The following EDEM2 variants were observed in gnomAD, a reference collection of about 807,000 sequenced individuals.
The protein encoded by EDEM2 is ER degradation enhancing alpha-mannosidase like protein 2.
Under a neutral mutation model 64.8 loss-of-function variants are expected in EDEM2, and 39 were observed. The observed-to-expected ratio is 0.60, with a 90% CI of 0.47 to 0.79. The LOEUF is 0.79. Among genes scored for constraint, EDEM2 ranks in the 30% least tolerant of loss-of-function variants. The probability of loss-of-function intolerance (pLI) is 0.00; values close to 1 mark genes in which losing one functional copy is unlikely to be tolerated. For missense variants in EDEM2, 609 were observed against 731.3 expected, an observed-to-expected ratio of 0.83 and a Z score of 1.93; for synonymous variants, 296 against 291.5, an observed-to-expected ratio of 1.02 and a Z score of -0.16.
In EDEM2 at chr20:35,142,404, C is replaced by T; in HGVS notation, c.333G>A (p.Val111=). Residue 111 remains valine, a synonymous_variant, in exon 4 of 11, where the codon GTG becomes GTA. Transcript: ENST00000374492. The stretch of plus-strand genomic sequence containing the variant: ...TGTTTGTTTCAAACACAGAGGCGTT[C>T]ACATCAATATCAAAGTCCACGCTGT... The part of the protein sequence containing the change: ...LQDSVDFDID[V]NASVFETNIR... The T allele has an allele frequency of 6.2e-7, 1 of 1,614,022 alleles. No homozygotes were observed. The highest frequency in any genetic ancestry group is 8.5e-7 in the Non-Finnish European group (1 of 1,179,960).
At position 35,141,593 on chromosome 20, in the gene EDEM2, T is replaced by C. The variant is rs201338712; in HGVS notation, c.364+780A>G. On this transcript the variant is annotated intron_variant, in intron 4 of 10. Coordinates refer to ENST00000374492, the MANE Select transcript of EDEM2 (RefSeq NM_018217.3). The stretch of plus-strand genomic sequence containing the variant: ...GTTTCATTGCAGAAAACATACAAAA[T>C]AATGGGGAAAAATAGAACTCTGCCA... Among the ~76,000 whole-genome samples the C allele has an allele frequency of 5.9e-5, 9 of 152,206 alleles. No homozygotes were observed. In the East Asian group the frequency reaches 1.7e-3, roughly 29 times the overall value.
intron 2 of EDEM2, among the ~76,000 whole-genome samples, chr20:35,146,163 C>G (rs2085729431): frequency 6.6e-6 from 1 of 151,950 alleles, no homozygotes; most frequent in African/African-American, 2.4e-5. Context: ...AGTTGGAATT[C>G]TAGGGTATGG....
At chr20:35,132,367 T>G (rs1302421671) in intron 6 of EDEM2, among the ~76,000 whole-genome samples, 1 of 151,826 alleles carries the variant, frequency 6.6e-6, no homozygotes, top group East Asian at 1.9e-4. Flanking sequence ...AAATTGGCAA[T>G]GCCGGCCAGG....
intron 5 of EDEM2, among the ~76,000 whole-genome samples, chr20:35,135,866 C>T (rs543058575): frequency 6.6e-6 from 1 of 152,268 alleles, no homozygotes; most frequent in Admixed American, 6.5e-5. Flanking sequence ...GAGAGTCAAA[C>T]AGAGCTGGGA....
rs1163185036 is a variant in EDEM2, at chr20:35,147,321, G to C, written c.-63C>G. On this transcript the variant is annotated 5_prime_UTR_variant, in exon 1 of 11. Coordinates refer to ENST00000374492, the MANE Select transcript of EDEM2 (RefSeq NM_018217.3). ...AGCCACTGCAACCAGTTCATCCTGG[G>C]AGCTGCTGCGGGTTCTTCCGGGAAT... is the stretch of plus-strand genomic sequence containing the variant. 1.1e-5 allele frequency: 15 copies of C among 1,403,356 alleles called. No individual in the cohort carries two copies. The highest frequency in any genetic ancestry group is 1.3e-5 in the Non-Finnish European group (14 of 1,073,402). 86.9% of individuals were successfully genotyped at this position (1,403,356 alleles called of 1,614,324 possible).
chr20:35,141,119 C>CAAA lies in EDEM2; in HGVS notation c.364+1251_364+1253dup, dbSNP rs58702725. Among the ~76,000 whole-genome samples, 41 of 29,372 alleles carry CAAA rather than the reference C, an allele frequency of 1.4e-3. 3 individuals are homozygous for CAAA. The highest frequency in any genetic ancestry group is 1.7e-3 in the Non-Finnish European group (24 of 14,240). The allele number at this position is 29,372 out of a possible 152,430, so 19.3% of individuals were successfully genotyped here. A position where few individuals can be genotyped will look rare whatever the true frequency, so the allele number is the denominator to read the frequency against. ...TGGGCGACAGAGTGAGACTCCGCCT[C>CAAA]AAAAAAAAAAAAAAAAAAAAAAAAA... On this transcript the variant is annotated intron_variant, in intron 4 of 10. Transcript: ENST00000374492.
Position 35,134,959 on chromosome 20 carries a change from C to G in EDEM2, c.491-10G>C. The G allele has an allele frequency of 1.9e-6, 3 of 1,613,254 alleles. No homozygotes were observed. The highest frequency in any genetic ancestry group is 1.7e-6 in the Non-Finnish European group (2 of 1,179,882). On this transcript the variant is annotated splice_polypyrimidine_tract_variant and intron_variant, in intron 5 of 10. Transcript: ENST00000374492. ...GTGGGGGTCTGAAAGGCTGAACAAT[C>G]GACAAATTATGATCCCGGACAGGAG...
rs149916640 is a variant in EDEM2, at chr20:35,136,928, C to G, written c.490+952G>C. ...ATGCTACTGAGCCTGGTGTTACTGC[C>G]CCACTAGACAAAAACATGGAGGCTT... On this transcript the variant is annotated intron_variant, in intron 5 of 10. Transcript: ENST00000374492. Among the ~76,000 whole-genome samples, 453 of 152,168 alleles carry G rather than the reference C, an allele frequency of 3.0e-3. 3 individuals carry two copies. The highest frequency in any genetic ancestry group is 0.01 in the African/African-American group (419 of 41,544).
chr20:35,126,110 G>A (rs2085428960), intron 8 of EDEM2, 141 bp downstream of exon 8: 1 of 1,094,968 alleles, frequency 9.1e-7, no homozygotes, highest in African/African-American at 1.6e-5. Flanking sequence ...ATTCACTCTA[G>A]GTCTCTCTTC....
Position 35,115,422 on chromosome 20 carries a change from T to A in EDEM2, c.*11A>T. ...CCTCAAAAAAATAAAAATAAAAAAA[T>A]TATCCAGTGGTTATGAGGAGTCTAG... On this transcript the variant is annotated 3_prime_UTR_variant, in exon 11 of 11. Coordinates refer to ENST00000374492, the MANE Select transcript of EDEM2 (RefSeq NM_018217.3). 1.3e-6 allele frequency: 2 copies of A among 1,588,804 alleles called. No individual in the cohort carries two copies. The highest frequency in any genetic ancestry group is 1.7e-6 in the Non-Finnish European group (2 of 1,170,542).
chr20:35,133,698 C>A lies in EDEM2; in HGVS notation c.702+1040G>T, dbSNP rs1375733041. Reference sequence around the variant, plus strand: ...GTCAGGCTGGTCTCGAACTCCCAATCTCAGGTGATCCGCCCGCCTCAGTCT... The same window carrying A: ...GTCAGGCTGGTCTCGAACTCCCAATATCAGGTGATCCGCCCGCCTCAGTCT... On this transcript the variant is annotated intron_variant, in intron 6 of 10. Coordinates refer to ENST00000374492, the MANE Select transcript of EDEM2 (RefSeq NM_018217.3). Among the ~76,000 whole-genome samples, 34 of 152,106 alleles carry A rather than the reference C, an allele frequency of 2.2e-4. 1 individual carries two copies.
intron 7 of EDEM2, 35 bp downstream of exon 7, chr20:35,131,607 T>C (rs2085506189): frequency 1.9e-6 from 3 of 1,596,666 alleles, no homozygotes; most frequent in East Asian, 2.2e-5. Context: ...GCAAGAAAAA[T>C]GAGGGGAAAA....
At chr20:35,124,082 C>T (rs1174678446) in intron 8 of EDEM2, 48 bp from the exon 9 acceptor site, 2 of 1,585,918 alleles carry the variant, frequency 1.3e-6, no homozygotes, top group South Asian at 2.3e-5. Context: ...GGCATAAAAC[C>T]CCACAGACAA....
At chr20:35,120,593 C>CTTTT (rs5841194) in intron 9 of EDEM2, among the ~76,000 whole-genome samples, 7 of 95,076 alleles carry the variant, frequency 7.4e-5, no homozygotes, top group African/African-American at 1.2e-4. Flanking sequence ...TCGGCTTCTT[C>CTTTT]TTTTTTTTTT....
chr20:35,141,119 CAAAAAAAAA>C (rs58702725), intron 4 of EDEM2, among the ~76,000 whole-genome samples: 2 of 29,386 alleles, frequency 6.8e-5, no homozygotes, highest in African/African-American at 1.1e-4. Context: ...GACTCCGCCT[CAAAAAAAAA>C]AAAAAAAAAA....
At chr20:35,137,810 C>T (rs2085598000) in intron 5 of EDEM2, 70 bp downstream of exon 5, 1 of 1,572,068 alleles carries the variant, frequency 6.4e-7, no homozygotes, top group African/African-American at 1.4e-5. Context: ...AGCACTGCCA[C>T]TCTCATCTTC....
chr20:35,139,490 A>G (rs1173410726), intron 4 of EDEM2, among the ~76,000 whole-genome samples: 2 of 151,620 alleles, frequency 1.3e-5, no homozygotes, highest in East Asian at 3.9e-4. Context: ...CTCTATTAAA[A>G]ATACAAAAAA....
At chr20:35,142,337 T>G (rs375436239) in intron 4 of EDEM2, 36 bp downstream of exon 4, 24 of 1,549,264 alleles carry the variant, frequency 1.5e-5, no homozygotes, top group Non-Finnish European at 2.1e-5. Context: ...CTTCACACTC[T>G]TTTTTCTTTT....
At chr20:35,140,167 C>T (rs2085632959) in intron 4 of EDEM2, among the ~76,000 whole-genome samples, 1 of 152,014 alleles carries the variant, frequency 6.6e-6, no homozygotes. Flanking sequence ...AGGTCTGAGA[C>T]ACGAAAAGAA....
Sources: allele counts gnomAD v4.1 joint callset (sites outside exome capture counted in the v4.1 genomes callset), GRCh38; gene constraint gnomAD v4.1.1; transcripts MANE v1.5; gene names NCBI Gene and HGNC (gene_info 2026-07-23, HGNC 2026-07-21).